The following KIAA1217 variants were observed in gnomAD, a reference collection of about 807,000 sequenced individuals.
The protein encoded by KIAA1217 is KIAA1217.
Under a neutral mutation model 163.9 loss-of-function variants are expected in KIAA1217, and 88 were observed. That is an observed-to-expected ratio of 0.54 (90% CI 0.45 to 0.64). The LOEUF (loss-of-function observed/expected upper bound fraction) is 0.64. Ranked by LOEUF, KIAA1217 falls within the 30% of genes least tolerant of loss-of-function variation. The pLI is 0.00. For missense variants in KIAA1217, 2,372 were observed against 2,475.0 expected, an observed-to-expected ratio of 0.96 and a Z score of 0.88; for synonymous variants, 903 against 923.1, an observed-to-expected ratio of 0.98 and a Z score of 0.39.
intron 2 of KIAA1217, among the ~76,000 whole-genome samples, chr10:24,055,797 C>T (rs182247466): frequency 1.3e-5 from 2 of 151,952 alleles, no homozygotes; most frequent in African/African-American, 4.8e-5. Context: ...CTAGGAAAAT[C>T]TCAAATCTAT....
chr10:24,012,096 G>A, intron 2 of KIAA1217, among the ~76,000 whole-genome samples: 1 of 152,226 alleles, frequency 6.6e-6, no homozygotes, highest in Middle Eastern at 3.4e-3. Context: ...TCCATTTTAC[G>A]ATCTAAAGCA....
intron 2 of KIAA1217, among the ~76,000 whole-genome samples, chr10:24,086,162 T>C (rs980195467): frequency 1.3e-5 from 2 of 152,062 alleles, no homozygotes; most frequent in Non-Finnish European, 2.9e-5. Flanking sequence ...TGATTGTTAA[T>C]AGAGGAAGGC....
intron 2 of KIAA1217, among the ~76,000 whole-genome samples, chr10:24,079,912 C>T (rs11013883): frequency 0.032 from 4,847 of 152,230 alleles, 257 homozygotes; most frequent in African/African-American, 0.11. Flanking sequence ...CCACAACATC[C>T]TGGCACATCC....
chr10:24,125,213 A>C (rs187697778), intron 2 of KIAA1217, among the ~76,000 whole-genome samples: 15 of 152,288 alleles, frequency 9.8e-5, no homozygotes, highest in Admixed American at 9.2e-4. Context: ...TGGAGGTTAC[A>C]GTGAGCTGAG....
chr10:24,159,431 C>T (rs1309560089), intron 2 of KIAA1217, among the ~76,000 whole-genome samples: 1 of 152,086 alleles, frequency 6.6e-6, no homozygotes, highest in Non-Finnish European at 1.5e-5. Context: ...CAATTCCACT[C>T]CTAGGATTCA....
At chr10:24,234,551 C>A (rs1250090206) in intron 2 of KIAA1217, among the ~76,000 whole-genome samples, 1 of 149,266 alleles carries the variant, frequency 6.7e-6, no homozygotes, top group Non-Finnish European at 1.5e-5. Flanking sequence ...ATAGTCCCAG[C>A]TACTCAGAGC....
intron 2 of KIAA1217, among the ~76,000 whole-genome samples, chr10:24,294,881 A>G (rs1217757483): frequency 2.0e-5 from 3 of 152,204 alleles, no homozygotes; most frequent in Admixed American, 1.3e-4. Flanking sequence ...ACCCTGCCTG[A>G]AAGTCTGGGA....
intron 2 of KIAA1217, among the ~76,000 whole-genome samples, chr10:24,331,360 T>TG (rs1266773135): frequency 6.6e-6 from 1 of 152,246 alleles, no homozygotes; most frequent in African/African-American, 2.4e-5. Flanking sequence ...GATGTTAGGA[T>TG]GCCTTAGAAT....
At chr10:23,701,376 G>A (rs975705238) in intron 1 of KIAA1217, among the ~76,000 whole-genome samples, 4 of 152,276 alleles carry the variant, frequency 2.6e-5, no homozygotes, top group East Asian at 1.9e-4. Context: ...GGAAGGTTGC[G>A]GTTGTGCCTT....
chr10:24,221,902 T>C (rs915927596), intron 2 of KIAA1217, among the ~76,000 whole-genome samples: 1 of 152,112 alleles, frequency 6.6e-6, no homozygotes. Flanking sequence ...CTGGGTGTGG[T>C]GGCACACACC....
At position 24,019,684 on chromosome 10, in the gene KIAA1217, TAAG is replaced by T. The variant is rs577767524; in HGVS notation, c.-171+12315_-171+12317del. Among the ~76,000 whole-genome samples the T allele has an allele frequency of 2.2e-4, 33 of 152,136 alleles. No homozygotes were observed. In the East Asian group the frequency reaches 5.0e-3, roughly 23 times the overall value. ...TAAATAAATGAGCCCGGCTACATTC[TAAG>T]AAGATTTTATTTCTACAATGGCAGC... On this transcript the variant is annotated intron_variant, in intron 2 of 18. Coordinates refer to the KIAA1217 transcript ENST00000376462.
chr10:24,539,186 C>G (rs983564774), intron 17 of KIAA1217, among the ~76,000 whole-genome samples: 2 of 152,066 alleles, frequency 1.3e-5, no homozygotes, highest in African/African-American at 4.8e-5. Flanking sequence ...TCAAAGATCC[C>G]TCTGGAGACC....
chr10:23,981,649 G>A (rs1460069526), intron 1 of KIAA1217, among the ~76,000 whole-genome samples: 1 of 152,120 alleles, frequency 6.6e-6, no homozygotes, highest in South Asian at 2.1e-4. Flanking sequence ...CCTGGAGTCG[G>A]CTCTATTTTC....
At chr10:24,001,055 C>T (rs551762214) in intron 1 of KIAA1217, among the ~76,000 whole-genome samples, 1 of 148,212 alleles carries the variant, frequency 6.7e-6, no homozygotes, top group Non-Finnish European at 1.5e-5. Flanking sequence ...AGAATAGGGC[C>T]AGACTGCAAA....
intron 3 of KIAA1217, among the ~76,000 whole-genome samples, chr10:24,407,258 G>A (rs961608119): frequency 1.6e-4 from 8 of 51,298 alleles, no homozygotes; most frequent in African/African-American, 5.1e-4. Flanking sequence ...ATGAAGATAC[G>A]TGTGTGTGTG....
intron 2 of KIAA1217, among the ~76,000 whole-genome samples, chr10:24,161,230 G>T (rs78831903): frequency 6.6e-6 from 1 of 152,212 alleles, no homozygotes; most frequent in South Asian, 2.1e-4. Flanking sequence ...AAACTCCTTC[G>T]CCATAAAATG....
intron 6 of KIAA1217, among the ~76,000 whole-genome samples, chr10:24,489,905 T>C (rs1467022476): frequency 1.3e-5 from 2 of 148,462 alleles, no homozygotes; most frequent in Non-Finnish European, 3.0e-5. Context: ...AATGGAGTCA[T>C]TGGCTAAAAA....
chr10:23,741,930 A>T (rs1370177306), intron 1 of KIAA1217, among the ~76,000 whole-genome samples: 3 of 152,186 alleles, frequency 2.0e-5, no homozygotes, highest in African/African-American at 7.2e-5. Context: ...AGGCACAGGA[A>T]GTCAGGAGTC....
rs565730867 is a variant in KIAA1217 at position 24,026,719 on chromosome 10, GCTTT to G, written c.-171+19348_-171+19351del. The stretch of plus-strand genomic sequence containing the variant: ...GGTTACATTGATTTTTTTTTCCATT[GCTTT>G]CTATTATCTATTTCATTGATTTTTT... On this transcript the variant is annotated intron_variant, in intron 2 of 18. Coordinates refer to the KIAA1217 transcript ENST00000376462. Among the ~76,000 whole-genome samples, 20 of 106,890 alleles carry G rather than the reference GCTTT, an allele frequency of 1.9e-4. 1 individual carries two copies. The East Asian group carries it at 4.6e-3, about 24-fold the overall frequency. The allele number at this position is 106,890 out of a possible 152,430, so 70.1% of individuals were successfully genotyped here.
Sources: gnomAD v4.1 joint callset for allele counts (sites outside exome capture counted in the v4.1 genomes callset) on GRCh38, gnomAD v4.1.1 for gene constraint, MANE v1.5 for transcripts, NCBI Gene and HGNC (gene_info 2026-07-23, HGNC 2026-07-21) for gene names.